The following CEP112 variants were observed in gnomAD, a reference collection of about 807,000 sequenced individuals.
The protein encoded by CEP112 is centrosomal protein of 112 kDa.
CEP112 carries 127 observed loss-of-function variants against 153.0 expected under a neutral mutation model. The observed-to-expected ratio is 0.83, with a 90% CI of 0.72 to 0.96. The LOEUF (loss-of-function observed/expected upper bound fraction) is 0.96. CEP112 is among the 40% of genes least tolerant of loss of function. The pLI is 0.00. For synonymous variants in CEP112, 358 were observed against 374.4 expected (o/e 0.96, Z 0.51); for missense variants, 1,089 against 1,101.2 (o/e 0.99, Z 0.16).
chr17:66,178,927 G>A (rs1454577590), intron 2 of CEP112, among the ~76,000 whole-genome samples: 1 of 151,960 alleles, frequency 6.6e-6, no homozygotes, highest in Non-Finnish European at 1.5e-5. Flanking sequence ...TTAAGTAAAT[G>A]GCACCATTTA....
At chr17:65,921,869 A>C (rs746827201) in intron 19 of CEP112, among the ~76,000 whole-genome samples, 7 of 152,162 alleles carry the variant, frequency 4.6e-5, no homozygotes, top group Admixed American at 3.3e-4. Flanking sequence ...TGAAGTTTAC[A>C]TGCTTCCAGA....
At chr17:65,853,324 T>C (rs552665039) in intron 20 of CEP112, among the ~76,000 whole-genome samples, 1 of 152,192 alleles carries the variant, frequency 6.6e-6, no homozygotes, top group East Asian at 1.9e-4. Context: ...ATTTGTTCTC[T>C]CTGGGTGTCT....
At chr17:65,848,589 C>T (rs909085341) in intron 21 of CEP112, among the ~76,000 whole-genome samples, 1 of 152,158 alleles carries the variant, frequency 6.6e-6, no homozygotes, top group African/African-American at 2.4e-5. Flanking sequence ...AACAGTCCCA[C>T]TCACTCTCAA....
chr17:65,856,819 T>C (rs1375382091), intron 20 of CEP112, among the ~76,000 whole-genome samples: 1 of 152,214 alleles, frequency 6.6e-6, no homozygotes, highest in Non-Finnish European at 1.5e-5. Flanking sequence ...ATCAAAGTAT[T>C]GTTATGCACA....
At chr17:65,920,082 C>G (rs1160307263) in intron 19 of CEP112, among the ~76,000 whole-genome samples, 1 of 151,818 alleles carries the variant, frequency 6.6e-6, no homozygotes, top group Non-Finnish European at 1.5e-5. Context: ...CAGTGGCTCA[C>G]GCCTGTAATC....
intron 6 of CEP112, among the ~76,000 whole-genome samples, chr17:66,111,257 A>G (rs958772642): frequency 2.6e-5 from 4 of 152,232 alleles, no homozygotes; most frequent in African/African-American, 9.6e-5. Context: ...CGCTGTTGAT[A>G]GGAATGCAAA....
intron 17 of CEP112, among the ~76,000 whole-genome samples, chr17:65,986,786 C>T (rs572018378): frequency 6.6e-6 from 1 of 152,150 alleles, no homozygotes; most frequent in African/African-American, 2.4e-5. Flanking sequence ...GGGAACTTCA[C>T]TGGCAGCTGA....
chr17:65,640,154 A>ATTTTTTT lies in CEP112; in HGVS notation c.2799+803_2799+809dup, dbSNP rs529025836. Among the ~76,000 whole-genome samples, 79 of 78,326 alleles carry ATTTTTTT rather than the reference A, an allele frequency of 1.0e-3. 1 individual carries two copies. The highest frequency in any genetic ancestry group is 1.8e-3 in the African/African-American group (25 of 14,220). The allele number at this position is 78,326 out of a possible 152,430, so 51.4% of individuals were successfully genotyped here. A position where few individuals can be genotyped will look rare whatever the true frequency, so the allele number is the denominator to read the frequency against. On this transcript the variant is annotated intron_variant, in intron 25 of 26. Coordinates refer to ENST00000535342, the MANE Select transcript of CEP112 (RefSeq NM_001199165.4). ...CACCCGACCATATATATATATATAT[A>ATTTTTTT]TTTTTTTTTTTTTTTTTTTGAGACA... is the stretch of plus-strand genomic sequence containing the variant.
At chr17:65,915,643 C>T (rs1485389541) in intron 19 of CEP112, among the ~76,000 whole-genome samples, 1 of 151,850 alleles carries the variant, frequency 6.6e-6, no homozygotes, top group East Asian at 1.9e-4. Flanking sequence ...AAAAAATTAG[C>T]CAGGCGTGGT....
chr17:65,996,316 G>A (rs4353516), intron 17 of CEP112, among the ~76,000 whole-genome samples: 62,255 of 149,418 alleles, frequency 0.42, 14,294 homozygotes, highest in East Asian at 0.87. Context: ...TAATAAACCT[G>A]CACATGCACC....
intron 18 of CEP112, among the ~76,000 whole-genome samples, chr17:65,950,176 G>A (rs2061775357): frequency 6.6e-6 from 1 of 152,048 alleles, no homozygotes; most frequent in African/African-American, 2.4e-5. Flanking sequence ...TTCTATCTAT[G>A]TGTTAGGTGG....
At chr17:66,147,855 T>C (rs1401568065) in intron 4 of CEP112, among the ~76,000 whole-genome samples, 2 of 152,206 alleles carry the variant, frequency 1.3e-5, no homozygotes, top group Non-Finnish European at 2.9e-5. Flanking sequence ...TTGTATTCCA[T>C]TGGTCTATAT....
At chr17:65,688,830 C>T (rs776108102) in intron 24 of CEP112, 5 of 228,268 alleles carry the variant, frequency 2.2e-5, no homozygotes, top group Non-Finnish European at 1.7e-5. Flanking sequence ...TGCAATGGTG[C>T]GATCTCGGCT....
At chr17:66,111,100 A>G (rs549506967) in intron 6 of CEP112, among the ~76,000 whole-genome samples, 2 of 152,220 alleles carry the variant, frequency 1.3e-5, no homozygotes, top group South Asian at 2.1e-4. Flanking sequence ...AAGCATACGG[A>G]AAAAAAAGCT....
chr17:65,881,193 G>T (rs2059057869), intron 20 of CEP112, among the ~76,000 whole-genome samples: 1 of 152,140 alleles, frequency 6.6e-6, no homozygotes, highest in Admixed American at 6.5e-5. Flanking sequence ...CTCCAGCCTG[G>T]GCGACAGAGA....
intron 20 of CEP112, among the ~76,000 whole-genome samples, chr17:65,885,127 C>T (rs577570338): frequency 2.7e-4 from 41 of 152,146 alleles, no homozygotes; most frequent in African/African-American, 8.9e-4. Context: ...AATGGAAGAA[C>T]GATTTTTATA....
intron 21 of CEP112, among the ~76,000 whole-genome samples, chr17:65,808,648 C>G (rs1598644245): frequency 6.6e-6 from 1 of 151,972 alleles, no homozygotes; most frequent in East Asian, 1.9e-4. Flanking sequence ...AGCACTTCCC[C>G]CTTCTCTCTC....
chr17:65,870,483 AT>A, intron 20 of CEP112, among the ~76,000 whole-genome samples: 1 of 152,348 alleles, frequency 6.6e-6, no homozygotes, highest in East Asian at 1.9e-4. Context: ...TATTATATAA[AT>A]TAAATGATTT....
chr17:66,184,509 G>A (rs528676372), intron 1 of CEP112, among the ~76,000 whole-genome samples: 1 of 152,234 alleles, frequency 6.6e-6, no homozygotes, highest in African/African-American at 2.4e-5. Flanking sequence ...TGGCAAGTAA[G>A]CACATGACAA....
Sources: allele counts gnomAD v4.1 joint callset (sites outside exome capture counted in the v4.1 genomes callset), GRCh38; gene constraint gnomAD v4.1.1; transcripts MANE v1.5; gene names NCBI Gene and HGNC (gene_info 2026-07-23, HGNC 2026-07-21).